SPATA9: variants seen among roughly 807,000 people sequenced by gnomAD.
SPATA9 encodes spermatogenesis associated 9, also known as spermatogenesis-associated protein 9.
In SPATA9, 27 loss-of-function variants were observed where a neutral mutation model predicts 25.5. The observed-to-expected ratio is 1.06, with a 90% confidence interval of 0.78 to 1.46. The LOEUF (loss-of-function observed/expected upper bound fraction) is 1.46, where lower values mean the gene tolerates loss of function less well. Among genes scored for constraint, SPATA9 ranks in the 40% most tolerant of loss-of-function variants. The pLI, the probability that SPATA9 is intolerant of heterozygous loss-of-function variation, is 0.00. For missense variants in SPATA9, 282 were observed against 297.5 expected (o/e 0.95, Z 0.38); for synonymous variants, 102 against 105.7 (o/e 0.97, Z 0.21).
the SPATA9 span, among the ~76,000 whole-genome samples, chr5:95,713,086 C>T: frequency 1.3e-5 from 2 of 152,136 alleles, no homozygotes; most frequent in African/African-American, 2.4e-5. Flanking sequence ...AGACAATTTA[C>T]TTAATTTTTC....
the SPATA9 span, among the ~76,000 whole-genome samples, chr5:95,721,527 C>T: frequency 6.6e-6 from 1 of 151,696 alleles, no homozygotes; most frequent in Admixed American, 6.6e-5. Context: ...GGGAAAGAAA[C>T]TAGTAGTATA....
intron 3 of SPATA9, chr5:95,670,755 T>G: frequency 1.3e-6 from 1 of 748,470 alleles, no homozygotes; most frequent in South Asian, 6.0e-5. Context: ...CTCAGCACAC[T>G]CTGGTACCAT....
chr5:95,692,441 T>C (rs1753917336), intron 1 of SPATA9, among the ~76,000 whole-genome samples: 1 of 152,098 alleles, frequency 6.6e-6, no homozygotes, highest in Non-Finnish European at 1.5e-5. Flanking sequence ...GAAATACTCA[T>C]GCAAAAATTT....
At chr5:95,714,967 T>C in the SPATA9 span, among the ~76,000 whole-genome samples, 1 of 152,218 alleles carries the variant, frequency 6.6e-6, no homozygotes, top group South Asian at 2.1e-4. Flanking sequence ...ATAGACTTAA[T>C]GCAATCCCAA....
the SPATA9 span, among the ~76,000 whole-genome samples, chr5:95,706,842 A>C: frequency 6.6e-6 from 1 of 152,142 alleles, no homozygotes; most frequent in Non-Finnish European, 1.5e-5. Flanking sequence ...ATTTGCATAT[A>C]TATATATAAT....
chr5:95,663,267 C>T (rs139985159), intron 4 of SPATA9, among the ~76,000 whole-genome samples: 239 of 152,236 alleles, frequency 1.6e-3, no homozygotes, highest in African/African-American at 5.6e-3. Flanking sequence ...CAAAAGAATA[C>T]ATACTATATG....
chr5:95,653,230 G>T (rs1750468615), intron 8 of SPATA9: 4 of 1,551,498 alleles, frequency 2.6e-6, no homozygotes, highest in Non-Finnish European at 3.5e-6. Context: ...AAAATGAAAG[G>T]TTTTCATTCA....
rs146711793 is a variant in SPATA9, at chr5:95,692,844, T to C, written n.124+5744A>G. 2.7e-3 allele frequency among the ~76,000 whole-genome samples: 405 copies of C among 152,310 alleles called. 13 individuals are homozygous for C. The East Asian group carries it at 0.066, about 25-fold the overall frequency. ...TTTTCTGATTTCAAGGTTTTCTTTG[T>C]AGCCAACTACATACCAATTTTTTTC... On this transcript the variant is annotated intron_variant and non_coding_transcript_variant, in intron 1 of 2. Coordinates refer to the SPATA9 transcript ENST00000379990.
the SPATA9 span, among the ~76,000 whole-genome samples, chr5:95,711,841 A>G: frequency 6.6e-6 from 1 of 152,238 alleles, no homozygotes; most frequent in Non-Finnish European, 1.5e-5. Flanking sequence ...TGATTTTTAC[A>G]GGGAACCTGA....
chr5:95,731,121 T>A, the SPATA9 span: 1 of 1,049,382 alleles, frequency 9.5e-7, no homozygotes, highest in Non-Finnish European at 1.2e-6. Context: ...GCGTTGTATT[T>A]ATTAATTTAT....
At chr5:95,653,868 A>G (rs1750526652), downstream of SPATA9, among the ~76,000 whole-genome samples, 1 of 152,196 alleles carries the variant, frequency 6.6e-6, no homozygotes, top group Non-Finnish European at 1.5e-5. Flanking sequence ...ACTGCACTCC[A>G]GCCTGGGTGA....
At chr5:95,695,571 CT>C (rs1205540169) in intron 1 of SPATA9, among the ~76,000 whole-genome samples, 12 of 152,270 alleles carry the variant, frequency 7.9e-5, no homozygotes, top group Non-Finnish European at 1.8e-4. Flanking sequence ...GCACTCCAGC[CT>C]GGGCGATAGA....
chr5:95,718,283 G>T, the SPATA9 span, among the ~76,000 whole-genome samples: 1 of 152,240 alleles, frequency 6.6e-6, no homozygotes, highest in South Asian at 2.1e-4. Flanking sequence ...TGAAGACAGG[G>T]GAGAAGAAAG....
intron 3 of SPATA9, among the ~76,000 whole-genome samples, chr5:95,667,025 A>G (rs1043530799): frequency 6.6e-6 from 1 of 152,200 alleles, no homozygotes; most frequent in African/African-American, 2.4e-5. Context: ...CTTTCCTTGC[A>G]TTCTCTCATT....
At chr5:95,708,361 G>A in the SPATA9 span, among the ~76,000 whole-genome samples, 107,698 of 152,022 alleles carry the variant, frequency 0.71, 39,429 homozygotes, top group East Asian at 0.97. Flanking sequence ...CCTGGGATAT[G>A]AAATCTTAAT....
downstream of SPATA9, chr5:95,653,974 A>G: frequency 9.4e-7 from 1 of 1,058,378 alleles, no homozygotes; most frequent in Non-Finnish European, 1.4e-6. Context: ...GAAAAGTCCG[A>G]ACTATTCATT....
the SPATA9 span, among the ~76,000 whole-genome samples, chr5:95,727,863 A>G: frequency 6.6e-6 from 1 of 152,212 alleles, no homozygotes; most frequent in Admixed American, 6.5e-5. Context: ...AACTCACTGA[A>G]TATCTATTTA....
downstream of SPATA9, chr5:95,654,121 G>T (rs769790910): frequency 8.7e-6 from 14 of 1,611,574 alleles, no homozygotes; most frequent in East Asian, 2.0e-4. Flanking sequence ...CTGTGTGTGT[G>T]GGCAGAGAAG....
intron 3 of SPATA9, among the ~76,000 whole-genome samples, chr5:95,668,773 A>C (rs1350356927): frequency 3.9e-5 from 6 of 152,196 alleles, no homozygotes; most frequent in African/African-American, 1.4e-4. Flanking sequence ...GCCTTATCTC[A>C]TAAAAGAAGT....
Sources: gnomAD v4.1 joint callset for allele counts (sites outside exome capture counted in the v4.1 genomes callset) on GRCh38, gnomAD v4.1.1 for gene constraint, MANE v1.5 for transcripts, NCBI Gene and HGNC (gene_info 2026-07-23, HGNC 2026-07-21) for gene names.